Variants in SAMD5 observed in about 807,000 individuals in gnomAD.
SAMD5 encodes the protein sterile alpha motif domain-containing protein 5.
In SAMD5, 13 loss-of-function variants were observed where a neutral mutation model predicts 11.3. The ratio of observed to expected loss-of-function variants is 1.15; its 90% CI spans 0.75 to 1.83. SAMD5 has a LOEUF of 1.83. Among genes scored for constraint, SAMD5 ranks in the 40% most tolerant of loss-of-function variants. The pLI, the probability that SAMD5 is intolerant of heterozygous loss-of-function variation, is 0.00. For missense variants in SAMD5, 255 were observed against 239.1 expected (o/e 1.07, Z -0.44); for synonymous variants, 129 against 111.3 (o/e 1.16, Z -1.00).
chr6:147,576,779 G>A (rs927217346), intron 1 of SAMD5, among the ~76,000 whole-genome samples: 5 of 152,174 alleles, frequency 3.3e-5, no homozygotes, highest in African/African-American at 1.2e-4. Flanking sequence ...ATAAAACAAA[G>A]ACTTGCTATA....
chr6:147,596,970 C>A (rs1448996414), intron 1 of SAMD5, among the ~76,000 whole-genome samples: 4 of 152,090 alleles, frequency 2.6e-5, no homozygotes, highest in Non-Finnish European at 5.9e-5. Context: ...AGATAAATGT[C>A]ATTTGAGGAC....
chr6:147,952,807 C>T, the SAMD5 span, among the ~76,000 whole-genome samples: 1 of 152,208 alleles, frequency 6.6e-6, no homozygotes, highest in Non-Finnish European at 1.5e-5. Flanking sequence ...AGCCACCGCA[C>T]CCGGCCCTTT....
At chr6:147,829,686 A>G in the SAMD5 span, among the ~76,000 whole-genome samples, 2 of 152,068 alleles carry the variant, frequency 1.3e-5, no homozygotes, top group African/African-American at 4.8e-5. Flanking sequence ...GTCCACCAAG[A>G]GCTCTTTCCA....
the SAMD5 span, among the ~76,000 whole-genome samples, chr6:147,792,865 A>G: frequency 6.6e-6 from 1 of 152,250 alleles, no homozygotes; most frequent in Non-Finnish European, 1.5e-5. Flanking sequence ...AAAATAAAGT[A>G]GTAATGGATT....
chr6:147,833,295 C>G, the SAMD5 span, among the ~76,000 whole-genome samples: 1 of 152,128 alleles, frequency 6.6e-6, no homozygotes, highest in African/African-American at 2.4e-5. Context: ...GTGTTGACAG[C>G]AAATCTCAAA....
chr6:147,910,004 G>T, the SAMD5 span, among the ~76,000 whole-genome samples: 1 of 152,064 alleles, frequency 6.6e-6, no homozygotes, highest in African/African-American at 2.4e-5. Context: ...TTGATGTATG[G>T]TGACAATTTT....
downstream of SAMD5, among the ~76,000 whole-genome samples, chr6:147,573,308 A>G (rs1311100401): frequency 6.6e-6 from 1 of 152,214 alleles, no homozygotes; most frequent in Non-Finnish European, 1.5e-5. Flanking sequence ...GGCCTCAGGA[A>G]AATTACAATC....
At chr6:147,834,797 A>G in the SAMD5 span, among the ~76,000 whole-genome samples, 1 of 152,188 alleles carries the variant, frequency 6.6e-6, no homozygotes, top group Non-Finnish European at 1.5e-5. Context: ...GAGACCTGAG[A>G]TTATGCCCTA....
chr6:147,758,724 T>C, the SAMD5 span, among the ~76,000 whole-genome samples: 5 of 152,132 alleles, frequency 3.3e-5, no homozygotes. Flanking sequence ...TTACTTGCAG[T>C]TGGGATTAAA....
At chr6:147,875,993 G>T in the SAMD5 span, among the ~76,000 whole-genome samples, 2 of 152,138 alleles carry the variant, frequency 1.3e-5, no homozygotes, top group Non-Finnish European at 2.9e-5. Flanking sequence ...CCCCTGGTCC[G>T]TGGAAAAATT....
At chr6:147,846,154 C>T in the SAMD5 span, among the ~76,000 whole-genome samples, 1 of 151,752 alleles carries the variant, frequency 6.6e-6, no homozygotes, top group Non-Finnish European at 1.5e-5. Context: ...GTATGTGACA[C>T]TTGTATTTCT....
the SAMD5 span, among the ~76,000 whole-genome samples, chr6:147,781,232 T>C: frequency 6.6e-6 from 1 of 151,162 alleles, no homozygotes; most frequent in South Asian, 2.2e-4. Flanking sequence ...CACAGCTCAC[T>C]GCAGTCTCCA....
intron 1 of SAMD5, among the ~76,000 whole-genome samples, chr6:147,603,378 G>T (rs1165031803): frequency 6.6e-6 from 1 of 152,122 alleles, no homozygotes; most frequent in Middle Eastern, 3.2e-3. Flanking sequence ...TGAACAGAGA[G>T]ATCCTTTTTC....
At position 147,568,217 on chromosome 6, in the gene SAMD5, T is replaced by C. The variant is rs374898172; in HGVS notation, c.*3761T>C. The C allele has an allele frequency of 3.7e-5, 36 of 985,368 alleles. 1 individual carries two copies. In the African/African-American group the frequency reaches 6.1e-4, roughly 17 times the overall value. 61.0% of individuals were successfully genotyped at this position (985,368 alleles called of 1,614,324 possible). ...GATGATGGTGGATCGGCAAACTCTT[T>C]TCTATGAAAAGAAAAACCAGATATA... On this transcript the variant is annotated 3_prime_UTR_variant, in exon 2 of 2. Coordinates refer to ENST00000367474, the MANE Select transcript of SAMD5 (RefSeq NM_001030060.3).
At chr6:147,734,481 C>T (rs1021086285) in intron 1 of SAMD5, among the ~76,000 whole-genome samples, 1 of 151,966 alleles carries the variant, frequency 6.6e-6, no homozygotes, top group Non-Finnish European at 1.5e-5. Context: ...TTCTGGGAGA[C>T]CGAGGCGGGC....
chr6:147,736,269 A>G (rs1175120654), intron 1 of SAMD5, among the ~76,000 whole-genome samples: 1 of 152,228 alleles, frequency 6.6e-6, no homozygotes, highest in Admixed American at 6.5e-5. Flanking sequence ...TGCCTGCCAC[A>G]TAGTATGTGT....
chr6:147,552,399 A>G (rs1226382604), intron 1 of SAMD5, among the ~76,000 whole-genome samples: 1 of 152,170 alleles, frequency 6.6e-6, no homozygotes. Context: ...TTTTTATTTT[A>G]ATGTAATTGA....
At chr6:147,851,774 C>T in the SAMD5 span, among the ~76,000 whole-genome samples, 1 of 152,142 alleles carries the variant, frequency 6.6e-6, no homozygotes, top group Non-Finnish European at 1.5e-5. Flanking sequence ...TCAACTGTCC[C>T]CTCCAGCCAG....
chr6:147,620,713 C>A (rs1217643158), intron 1 of SAMD5, among the ~76,000 whole-genome samples: 1 of 152,166 alleles, frequency 6.6e-6, no homozygotes, highest in African/African-American at 2.4e-5. Context: ...AAGTAGCCAT[C>A]GCCTCTGCTG....
Sources: gnomAD v4.1 joint callset for allele counts (sites outside exome capture counted in the v4.1 genomes callset) on GRCh38, gnomAD v4.1.1 for gene constraint, MANE v1.5 for transcripts, NCBI Gene and HGNC (gene_info 2026-07-23, HGNC 2026-07-21) for gene names.